The following CDC5L variants were observed in gnomAD, a reference collection of about 807,000 sequenced individuals.
CDC5L encodes the protein cell division cycle 5-like protein.
In CDC5L, 18 loss-of-function variants were observed where a neutral mutation model predicts 104.1. The ratio of observed to expected loss-of-function variants is 0.17; its 90% CI spans 0.12 to 0.26. The LOEUF (loss-of-function observed/expected upper bound fraction) is 0.26, where lower values mean the gene tolerates loss of function less well. CDC5L is among the 10% of genes least tolerant of loss of function. CDC5L has a pLI of 1.00. For missense variants in CDC5L, 673 were observed against 956.9 expected, an observed-to-expected ratio of 0.70 and a Z score of 3.91; for synonymous variants, 331 against 322.7, an observed-to-expected ratio of 1.03 and a Z score of -0.28.
intron 5 of CDC5L, among the ~76,000 whole-genome samples, chr6:44,397,631 A>C (rs1351813225): frequency 6.6e-6 from 1 of 152,156 alleles, no homozygotes; most frequent in Admixed American, 6.5e-5. Flanking sequence ...GACACACAAG[A>C]TTATGTGTCT....
chr6:44,411,640 G>GTGTGTGTGTGTGTA (rs1791644516), intron 8 of CDC5L, among the ~76,000 whole-genome samples: 1 of 150,824 alleles, frequency 6.6e-6, no homozygotes, highest in African/African-American at 2.4e-5. Flanking sequence ...GAGAGAGAGT[G>GTGTGTGTGTGTGTA]TGTGTGTGTG....
intron 7 of CDC5L, among the ~76,000 whole-genome samples, chr6:44,407,636 C>A (rs906523204): frequency 5.3e-5 from 8 of 151,854 alleles, no homozygotes; most frequent in African/African-American, 1.9e-4. Flanking sequence ...CCAGCTAACC[C>A]TTTTTTTTGT....
intron 2 of CDC5L, among the ~76,000 whole-genome samples, chr6:44,392,233 G>A (rs940792680): frequency 6.6e-6 from 1 of 152,172 alleles, no homozygotes; most frequent in African/African-American, 2.4e-5. Flanking sequence ...AAAGGTTACG[G>A]TGAATTTAGT....
At chr6:44,434,803 C>G (rs751125589) in intron 14 of CDC5L, among the ~76,000 whole-genome samples, 14 of 152,170 alleles carry the variant, frequency 9.2e-5, no homozygotes, top group Non-Finnish European at 1.3e-4. Flanking sequence ...GTTACACTTT[C>G]ATAAGTCCCA....
chr6:44,401,673 C>CT (rs1791132525), intron 5 of CDC5L, among the ~76,000 whole-genome samples: 1 of 151,450 alleles, frequency 6.6e-6, no homozygotes, highest in South Asian at 2.1e-4. Flanking sequence ...TATTATTATA[C>CT]TTTAAGTTTT....
Position 44,390,334 on chromosome 6 carries a change from C to G in CDC5L, c.112C>G (p.Leu38Val). The G allele has an allele frequency of 1.9e-6, 3 of 1,612,734 alleles. No homozygotes were observed. The highest frequency in any genetic ancestry group is 2.5e-6 in the Non-Finnish European group (3 of 1,179,088). The change falls in exon 2 of 16, where the codon CTG becomes GTG. Residue 38 changes from leucine (L) to valine (V), a missense_variant. Leu to Val is a conservative substitution (Grantham distance 32, BLOSUM62 1). Transcript: ENST00000371477. ...TCAGTGGTCTAGGATTGCCTCATTG[C>G]TGCATAGAAAATCAGCAAAGCAGTG... is the stretch of plus-strand genomic sequence containing the variant. ...KNQWSRIASLLHRKSAKQCKA... is the reference protein window; with the variant it reads ...KNQWSRIASLVHRKSAKQCKA...
At chr6:44,429,601 C>A in intron 13 of CDC5L, 112 bp from the exon 14 acceptor site, 2 of 855,416 alleles carry the variant, frequency 2.3e-6, no homozygotes, top group Non-Finnish European at 3.6e-6. Flanking sequence ...AACAACCAAC[C>A]ACATCTTGGA....
At chr6:44,435,474 T>A (rs1283027236) in intron 14 of CDC5L, among the ~76,000 whole-genome samples, 1 of 151,918 alleles carries the variant, frequency 6.6e-6, no homozygotes, top group African/African-American at 2.4e-5. Flanking sequence ...TTTACATGTG[T>A]CTAGAATAAT....
chr6:44,425,759 G>C (rs1561976558), intron 11 of CDC5L, among the ~76,000 whole-genome samples: 1 of 152,088 alleles, frequency 6.6e-6, no homozygotes, highest in Non-Finnish European at 1.5e-5. Context: ...TGAGTTAAAA[G>C]TCAGTAATTT....
intron 14 of CDC5L, among the ~76,000 whole-genome samples, chr6:44,438,030 G>T (rs1255243311): frequency 2.6e-5 from 4 of 152,080 alleles, no homozygotes; most frequent in African/African-American, 9.7e-5. Flanking sequence ...GCTCACTGCT[G>T]CCTCCAACCT....
intron 13 of CDC5L, 88 bp from the exon 14 acceptor site, chr6:44,429,625 A>T: frequency 2.6e-6 from 3 of 1,132,854 alleles, no homozygotes; most frequent in Non-Finnish European, 3.8e-6. Flanking sequence ...GACTCAAGGC[A>T]TGAGGGAAAA....
chr6:44,392,592 C>G (rs1790671637), intron 2 of CDC5L, 75 bp from the exon 3 acceptor site: 2 of 1,279,920 alleles, frequency 1.6e-6, no homozygotes, highest in Non-Finnish European at 1.1e-6. Context: ...GAGCACAAGT[C>G]AGTGTATCCA....
Position 44,426,256 on chromosome 6 carries a change from A to G in CDC5L, c.1650+73A>G, listed in dbSNP as rs1280155496. 6.5e-6 allele frequency: 7 copies of G among 1,071,648 alleles called. No individual in the cohort carries two copies. The South Asian group carries it at 7.4e-5, about 11-fold the overall frequency. 66.4% of individuals were successfully genotyped at this position (1,071,648 alleles called of 1,614,324 possible). On this transcript the variant is annotated intron_variant, in intron 12 of 15. Coordinates refer to ENST00000371477, the MANE Select transcript of CDC5L (RefSeq NM_001253.4). ...ATGATTGCTGCGTTTTACATCATTCATAAAGACTATAAAACAAAATTTCAT... is the reference window on the plus strand; with the variant it reads ...ATGATTGCTGCGTTTTACATCATTCGTAAAGACTATAAAACAAAATTTCAT...
chr6:44,444,542 C>G (rs1793357953), intron 14 of CDC5L, among the ~76,000 whole-genome samples: 1 of 152,176 alleles, frequency 6.6e-6, no homozygotes, highest in South Asian at 2.1e-4. Flanking sequence ...CTGTTTGTCT[C>G]CCCCATTAGC....
chr6:44,417,999 T>TTTA (rs913235886), intron 8 of CDC5L, among the ~76,000 whole-genome samples: 2 of 152,160 alleles, frequency 1.3e-5, no homozygotes, highest in African/African-American at 4.8e-5. Context: ...CTTTTTAAAT[T>TTTA]TTATTATTAT....
intron 14 of CDC5L, among the ~76,000 whole-genome samples, chr6:44,443,376 T>C (rs1793302422): frequency 6.6e-6 from 1 of 152,060 alleles, no homozygotes; most frequent in Non-Finnish European, 1.5e-5. Flanking sequence ...GCTTCCTGGA[T>C]CTAGCTTTCC....
At chr6:44,425,593 T>C (rs1187387814) in intron 11 of CDC5L, among the ~76,000 whole-genome samples, 1 of 152,154 alleles carries the variant, frequency 6.6e-6, no homozygotes, top group Non-Finnish European at 1.5e-5. Flanking sequence ...CATGTAAATG[T>C]GCTTTTCAGT....
intron 8 of CDC5L, 32 bp from the exon 9 acceptor site, chr6:44,419,417 T>C (rs747984309): frequency 1.2e-5 from 19 of 1,610,628 alleles, no homozygotes; most frequent in Non-Finnish European, 1.6e-5. Context: ...TCTAAACTTT[T>C]AAACTTGCTT....
intron 8 of CDC5L, among the ~76,000 whole-genome samples, chr6:44,410,419 TTG>T (rs1168542504): frequency 6.6e-6 from 1 of 152,258 alleles, no homozygotes; most frequent in African/African-American, 2.4e-5. Context: ...TAGTATTTTA[TTG>T]TGTTTATGTA....
Sources: allele counts gnomAD v4.1 joint callset (sites outside exome capture counted in the v4.1 genomes callset), GRCh38; gene constraint gnomAD v4.1.1; transcripts MANE v1.5; gene names NCBI Gene and HGNC (gene_info 2026-07-23, HGNC 2026-07-21).